LRBA: variants seen among roughly 807,000 people sequenced by gnomAD.
LRBA encodes the protein lipopolysaccharide-responsive and beige-like anchor protein.
LRBA carries 176 observed loss-of-function variants against 330.0 expected under a neutral mutation model. The ratio of observed to expected loss-of-function variants is 0.53; its 90% CI spans 0.47 to 0.60. The LOEUF (loss-of-function observed/expected upper bound fraction) is 0.60, where lower values mean the gene tolerates loss of function less well. Among genes scored for constraint, LRBA ranks in the 20% least tolerant of loss-of-function variants. The probability of loss-of-function intolerance (pLI) is 0.00; values close to 1 mark genes in which losing one functional copy is unlikely to be tolerated. For missense variants in LRBA, 3,259 were observed against 3,444.8 expected (o/e 0.95, Z 1.35); for synonymous variants, 1,230 against 1,193.0 (o/e 1.03, Z -0.64).
chr4:150,850,827 A>C lies in LRBA; in HGVS notation c.3901T>G (p.Ser1301Ala). The C allele has an allele frequency of 6.2e-7, 1 of 1,613,952 alleles. No individual in the cohort carries two copies. Among genetic ancestry groups the C allele is most frequent in the Non-Finnish European group, 8.5e-7 (1 of 1,179,858 alleles). The part of the protein sequence containing the change: ...AVNGQRRDSR[S>A]TVFRIPEFNW... Reference sequence around the variant, plus strand: ...AACTCAGGAATACGAAACACAGTAGATCTGGAATCCCTCCTTTGTCCATTA... The same window carrying C: ...AACTCAGGAATACGAAACACAGTAGCTCTGGAATCCCTCCTTTGTCCATTA... Residue 1301 changes from serine to alanine, a missense_variant, in exon 24 of 57, where the codon TCT becomes GCT. Ser to Ala is a moderately conservative substitution (Grantham distance 99). Coordinates refer to ENST00000651943, the MANE Select transcript of LRBA (RefSeq NM_001364905.1).
At chr4:150,818,553 T>TGTGTGTGC (rs1232305207) in intron 30 of LRBA, among the ~76,000 whole-genome samples, 1 of 151,030 alleles carries the variant, frequency 6.6e-6, no homozygotes, top group Non-Finnish European at 1.5e-5. Flanking sequence ...TGTGTGTGTG[T>TGTGTGTGC]GTGTGTGTGT....
intron 36 of LRBA, among the ~76,000 whole-genome samples, chr4:150,716,359 T>C (rs1728200383): frequency 6.6e-6 from 1 of 152,098 alleles, no homozygotes; most frequent in East Asian, 1.9e-4. Context: ...AGGCAGAGAA[T>C]TGCTTGAACC....
chr4:151,004,343 T>C (rs148962084), intron 2 of LRBA, among the ~76,000 whole-genome samples: 2 of 152,304 alleles, frequency 1.3e-5, no homozygotes, highest in Non-Finnish European at 2.9e-5. Context: ...CACTTGAATA[T>C]AATCACTGCA....
chr4:150,678,704 AT>A (rs1346098004), intron 37 of LRBA, among the ~76,000 whole-genome samples: 1 of 152,166 alleles, frequency 6.6e-6, no homozygotes, highest in African/African-American at 2.4e-5. Flanking sequence ...TTACAATGTT[AT>A]TGTCAGGAAT....
At chr4:150,660,598 A>T (rs1333951042) in intron 37 of LRBA, among the ~76,000 whole-genome samples, 1 of 146,678 alleles carries the variant, frequency 6.8e-6, no homozygotes, top group African/African-American at 2.5e-5. Context: ...ACGGGCCAGG[A>T]TGACAATGGC....
chr4:150,559,688 AT>A (rs1320354548), intron 40 of LRBA, among the ~76,000 whole-genome samples: 11 of 89,632 alleles, frequency 1.2e-4, no homozygotes, highest in African/African-American at 3.4e-4. Context: ...AATATATTAT[AT>A]TATATATTAT....
At chr4:150,456,918 G>T (rs988759082) in intron 44 of LRBA, among the ~76,000 whole-genome samples, 2 of 152,004 alleles carry the variant, frequency 1.3e-5, no homozygotes, top group Admixed American at 6.6e-5. Context: ...ACTATTTATT[G>T]AAGAGACTGT....
Position 150,806,410 on chromosome 4 carries a change from G to GA in LRBA, c.5385-7dup. On this transcript the variant is annotated splice_region_variant and splice_polypyrimidine_tract_variant and intron_variant, in intron 32 of 56. Coordinates refer to ENST00000651943, the MANE Select transcript of LRBA (RefSeq NM_001364905.1). ...GTTCAAGCCTCTCTGTAATACTAAG[G>GA]AAAAGACATTAAGTTACTTGAACTA... is the stretch of plus-strand genomic sequence containing the variant. The GA allele has an allele frequency of 6.3e-7, 1 of 1,575,796 alleles. No individual in the cohort carries two copies. The highest frequency in any genetic ancestry group is 8.6e-7 in the Non-Finnish European group (1 of 1,165,004).
At chr4:150,865,509 T>C (rs1348129870) in intron 22 of LRBA, among the ~76,000 whole-genome samples, 4 of 152,140 alleles carry the variant, frequency 2.6e-5, no homozygotes, top group East Asian at 3.8e-4. Flanking sequence ...ACCTCAACAA[T>C]ACAGTGACTA....
At chr4:150,618,320 A>G (rs571845810) in intron 37 of LRBA, among the ~76,000 whole-genome samples, 3 of 152,302 alleles carry the variant, frequency 2.0e-5, no homozygotes, top group South Asian at 4.1e-4. Flanking sequence ...ACTCTTGTCT[A>G]TCTGAAAGAC....
intron 29 of LRBA, 151 bp downstream of exon 29, chr4:150,831,666 C>A: frequency 2.0e-6 from 1 of 492,012 alleles, no homozygotes. Flanking sequence ...ATATTTAAGC[C>A]ACAACTTTTA....
intron 51 of LRBA, chr4:150,314,696 T>C (rs1405161652): frequency 6.6e-6 from 1 of 152,182 alleles, no homozygotes; most frequent in Non-Finnish European, 1.5e-5. Context: ...GTTTTTATTC[T>C]AAAAGTTATT....
chr4:150,995,510 A>G (rs2149636882), intron 2 of LRBA, among the ~76,000 whole-genome samples: 1 of 152,238 alleles, frequency 6.6e-6, no homozygotes, highest in East Asian at 1.9e-4. Context: ...AAACTGTAAA[A>G]AACATGAATA....
intron 31 of LRBA, among the ~76,000 whole-genome samples, chr4:150,814,208 T>A (rs1420172401): frequency 6.6e-6 from 1 of 152,024 alleles, no homozygotes; most frequent in Non-Finnish European, 1.5e-5. Flanking sequence ...TAATGGCAGA[T>A]AACTTAAATC....
intron 2 of LRBA, among the ~76,000 whole-genome samples, chr4:151,005,509 G>C (rs948320542): frequency 7.8e-6 from 1 of 127,894 alleles, no homozygotes; most frequent in African/African-American, 3.1e-5. Flanking sequence ...ATGAATACTA[G>C]AAAACTATAC....
At chr4:150,803,081 T>TACAC (rs1335838704) in intron 33 of LRBA, among the ~76,000 whole-genome samples, 4 of 111,022 alleles carry the variant, frequency 3.6e-5, no homozygotes, top group Middle Eastern at 4.7e-3. Context: ...AAAAAATATA[T>TACAC]ATACACACAC....
At chr4:150,710,412 T>A (rs1582114605) in intron 36 of LRBA, among the ~76,000 whole-genome samples, 1 of 152,144 alleles carries the variant, frequency 6.6e-6, no homozygotes, top group East Asian at 1.9e-4. Context: ...AAGTATACAG[T>A]GGTATCACAC....
intron 47 of LRBA, among the ~76,000 whole-genome samples, chr4:150,377,970 C>CA (rs5862918): frequency 0.81 from 105,534 of 130,936 alleles, 43,077 homozygotes; most frequent in Middle Eastern, 0.91. Context: ...GACTCTGTCT[C>CA]AAAAAAAAAA....
At chr4:150,705,848 G>A (rs1273584087) in intron 36 of LRBA, among the ~76,000 whole-genome samples, 3 of 151,884 alleles carry the variant, frequency 2.0e-5, no homozygotes, top group African/African-American at 7.2e-5. Flanking sequence ...ATACTTAGTA[G>A]GGAAACACTG....
Sources: allele counts gnomAD v4.1 joint callset (sites outside exome capture counted in the v4.1 genomes callset), GRCh38; gene constraint gnomAD v4.1.1; transcripts MANE v1.5; gene names NCBI Gene and HGNC (gene_info 2026-07-23, HGNC 2026-07-21).